The following WWOX variants were observed in gnomAD, a reference collection of about 807,000 sequenced individuals.
WWOX encodes the protein WW domain containing oxidoreductase.
A neutral mutation model predicts 46.2 loss-of-function variants in WWOX; 69 were observed. The ratio of observed to expected loss-of-function variants is 1.49; its 90% CI spans 1.23 to 1.82. WWOX has a LOEUF of 1.82. Among genes scored for constraint, WWOX ranks in the 40% most tolerant of loss-of-function variants. The pLI, the probability that WWOX is intolerant of heterozygous loss-of-function variation, is 0.00. For synonymous variants in WWOX, 359 were observed against 202.6 expected, an observed-to-expected ratio of 1.77 and a Z score of -6.56; for missense variants, 919 against 542.6, an observed-to-expected ratio of 1.69 and a Z score of -6.89.
intron 8 of WWOX, among the ~76,000 whole-genome samples, chr16:79,184,002 C>G (rs573091149): frequency 1.3e-5 from 2 of 152,336 alleles, no homozygotes; most frequent in South Asian, 2.1e-4. Flanking sequence ...CTCCTCACCT[C>G]TGTGACTGCA....
chr16:78,644,981 C>T (rs934001221), intron 8 of WWOX, among the ~76,000 whole-genome samples: 2 of 152,118 alleles, frequency 1.3e-5, no homozygotes, highest in African/African-American at 4.8e-5. Flanking sequence ...AGTTTTGGTT[C>T]TACTCTTCAA....
intron 8 of WWOX, among the ~76,000 whole-genome samples, chr16:79,012,511 A>G (rs1300762991): frequency 6.6e-6 from 1 of 152,192 alleles, no homozygotes; most frequent in South Asian, 2.1e-4. Flanking sequence ...CTGGGATTAC[A>G]GACAAGAGCC....
intron 8 of WWOX, among the ~76,000 whole-genome samples, chr16:79,034,440 C>G (rs1313618018): frequency 6.6e-6 from 1 of 152,184 alleles, no homozygotes; most frequent in Non-Finnish European, 1.5e-5. Flanking sequence ...GGGCCTTGTA[C>G]TCTGGCCCTC....
At chr16:78,617,354 A>G (rs967593317) in intron 8 of WWOX, among the ~76,000 whole-genome samples, 1 of 151,066 alleles carries the variant, frequency 6.6e-6, no homozygotes, top group Non-Finnish European at 1.5e-5. Context: ...GTGAGCCGAC[A>G]TTGCACCACT....
At chr16:78,348,991 G>T (rs1187940152) in intron 5 of WWOX, among the ~76,000 whole-genome samples, 2 of 119,840 alleles carry the variant, frequency 1.7e-5, no homozygotes, top group Non-Finnish European at 4.0e-5. Context: ...CCGGTGTACT[G>T]GTCTGCTCAG....
At chr16:78,222,633 C>T (rs1052876712) in intron 5 of WWOX, among the ~76,000 whole-genome samples, 6 of 152,178 alleles carry the variant, frequency 3.9e-5, no homozygotes, top group African/African-American at 1.4e-4. Flanking sequence ...TCAGCCTGTA[C>T]TTCTTCGTAT....
At chr16:78,380,148 C>T (rs1336332532) in intron 5 of WWOX, among the ~76,000 whole-genome samples, 2 of 152,156 alleles carry the variant, frequency 1.3e-5, no homozygotes, top group Admixed American at 1.3e-4. Flanking sequence ...AAGAGCAGGA[C>T]AGCATGAGGC....
At chr16:78,246,258 G>T (rs568832631) in intron 5 of WWOX, among the ~76,000 whole-genome samples, 1 of 152,110 alleles carries the variant, frequency 6.6e-6, no homozygotes, top group South Asian at 2.1e-4. Context: ...ATCATGTACC[G>T]TGAAACCAAA....
intron 8 of WWOX, among the ~76,000 whole-genome samples, chr16:78,726,671 C>CAA (rs2048844380): frequency 1.3e-5 from 2 of 151,554 alleles, no homozygotes; most frequent in African/African-American, 4.8e-5. Flanking sequence ...TTTATTAGGG[C>CAA]TTTATGTAAA....
At chr16:78,224,139 G>T (rs1419126624) in intron 5 of WWOX, among the ~76,000 whole-genome samples, 3 of 152,072 alleles carry the variant, frequency 2.0e-5, no homozygotes, top group Non-Finnish European at 4.4e-5. Context: ...AAGTAGCTGG[G>T]ACTACAGGCA....
At chr16:78,390,673 C>G (rs978102728) in intron 6 of WWOX, among the ~76,000 whole-genome samples, 4 of 152,252 alleles carry the variant, frequency 2.6e-5, no homozygotes, top group African/African-American at 7.2e-5. Context: ...GCAGGTCTTT[C>G]GATTCTGACA....
intron 8 of WWOX, among the ~76,000 whole-genome samples, chr16:78,812,859 C>T (rs1400653437): frequency 6.6e-6 from 1 of 152,168 alleles, no homozygotes; most frequent in Admixed American, 6.5e-5. Flanking sequence ...TTTCCCCTGT[C>T]TTATTTTCTA....
At chr16:79,188,173 G>A (rs1057199584) in intron 8 of WWOX, among the ~76,000 whole-genome samples, 3 of 152,190 alleles carry the variant, frequency 2.0e-5, no homozygotes, top group African/African-American at 2.4e-5. Context: ...TGAGCTAAAC[G>A]AAGCAGAGAT....
intron 8 of WWOX, among the ~76,000 whole-genome samples, chr16:78,491,053 C>T (rs976249331): frequency 6.6e-6 from 1 of 152,182 alleles, no homozygotes; most frequent in African/African-American, 2.4e-5. Flanking sequence ...CCAAAGTGAA[C>T]TGAGCTCACC....
At chr16:78,199,482 T>C (rs1190533174) in intron 5 of WWOX, among the ~76,000 whole-genome samples, 1 of 152,198 alleles carries the variant, frequency 6.6e-6, no homozygotes, top group African/African-American at 2.4e-5. Context: ...CTGTGTTGTA[T>C]TTCCTGCTCT....
chr16:78,747,967 G>A (rs1279415138), intron 8 of WWOX, among the ~76,000 whole-genome samples: 4 of 152,134 alleles, frequency 2.6e-5, no homozygotes, highest in Non-Finnish European at 5.9e-5. Context: ...ATGCTTCTTA[G>A]TGGTCCTCTT....
chr16:78,828,640 T>G (rs1357117108), intron 8 of WWOX, among the ~76,000 whole-genome samples: 1 of 152,192 alleles, frequency 6.6e-6, no homozygotes, highest in Non-Finnish European at 1.5e-5. Flanking sequence ...TAATCTATCA[T>G]TATTTACAAA....
At chr16:78,286,922 T>C (rs187329078) in intron 5 of WWOX, among the ~76,000 whole-genome samples, 166 of 152,338 alleles carry the variant, frequency 1.1e-3, no homozygotes, top group Non-Finnish European at 1.9e-3. Context: ...TTAAAATCAA[T>C]TTTATAGTTT....
intron 8 of WWOX, among the ~76,000 whole-genome samples, chr16:78,796,750 G>C (rs748733802): frequency 6.6e-6 from 1 of 152,086 alleles, no homozygotes; most frequent in East Asian, 1.9e-4. Context: ...GTTCCCAACG[G>C]CCATCCAGCC....
Sources: gnomAD v4.1 joint callset for allele counts (sites outside exome capture counted in the v4.1 genomes callset) on GRCh38, gnomAD v4.1.1 for gene constraint, MANE v1.5 for transcripts, NCBI Gene and HGNC (gene_info 2026-07-23, HGNC 2026-07-21) for gene names.